The following SPECC1 variants were observed in gnomAD, a reference collection of about 807,000 sequenced individuals.
SPECC1 encodes the protein sperm antigen with calponin homology and coiled-coil domains 1, also known as cytospin-B.
Under a neutral mutation model 104.1 loss-of-function variants are expected in SPECC1, and 62 were observed. The observed-to-expected ratio is 0.60, with a 90% CI of 0.49 to 0.74. The LOEUF (loss-of-function observed/expected upper bound fraction) is 0.74, where lower values mean the gene tolerates loss of function less well. Ranked by LOEUF, SPECC1 falls within the 30% of genes least tolerant of loss-of-function variation. The pLI is 0.00. For missense variants in SPECC1, 1,306 were observed against 1,310.5 expected (o/e 1.00, Z 0.05); for synonymous variants, 513 against 501.6 (o/e 1.02, Z -0.30).
chr17:20,022,225 G>A (rs993589830), intron 1 of SPECC1, among the ~76,000 whole-genome samples: 3 of 152,170 alleles, frequency 2.0e-5, no homozygotes, highest in African/African-American at 7.2e-5. Flanking sequence ...ACAGGTGTGA[G>A]CCACTGTGCC....
At chr17:20,204,247 T>A (rs1409897898) in intron 3 of SPECC1, 86 bp from the exon 4 acceptor site, 1 of 1,472,388 alleles carries the variant, frequency 6.8e-7, no homozygotes, top group South Asian at 1.3e-5. Flanking sequence ...CACTGTCCAC[T>A]GTGCCATGTG....
chr17:20,064,596 C>T (rs2046300825), intron 1 of SPECC1, among the ~76,000 whole-genome samples: 1 of 152,118 alleles, frequency 6.6e-6, no homozygotes, highest in African/African-American at 2.4e-5. Flanking sequence ...GTCTTCCATC[C>T]CTACGGGACC....
At chr17:20,281,549 G>A (rs1411833577) in intron 12 of SPECC1, among the ~76,000 whole-genome samples, 1 of 152,188 alleles carries the variant, frequency 6.6e-6, no homozygotes, top group Non-Finnish European at 1.5e-5. Flanking sequence ...CTCGAGGGCT[G>A]AACCGCTAGT....
In SPECC1 at chr17:20,318,431, A is replaced by C. The variant is rs943148366; in HGVS notation, c.*4366A>C. On this transcript the variant is annotated 3_prime_UTR_variant, in exon 15 of 15. Transcript: ENST00000395527. ...TGTAGAGACCAACCCAAGTAGATGCAGGTGGGTGTTAGATAAAAACACACA... is the reference window on the plus strand; with the variant it reads ...TGTAGAGACCAACCCAAGTAGATGCCGGTGGGTGTTAGATAAAAACACACA... 9 of 231,470 alleles carry C rather than the reference A, an allele frequency of 3.9e-5. No individual in the cohort carries two copies. The highest frequency in any genetic ancestry group is 6.8e-5 in the Non-Finnish European group (8 of 116,992). 14.3% of individuals were successfully genotyped at this position (231,470 alleles called of 1,614,324 possible). A position where few individuals can be genotyped will look rare whatever the true frequency, so the allele number is the denominator to read the frequency against.
chr17:20,253,387 G>T, intron 9 of SPECC1, 118 bp from the exon 10 acceptor site: 1 of 907,674 alleles, frequency 1.1e-6, no homozygotes, highest in Non-Finnish European at 1.7e-6. Flanking sequence ...AACTCCCCTG[G>T]TTATTCCACT....
chr17:20,302,878 TAAAAAAAA>T (rs35060925), intron 13 of SPECC1, among the ~76,000 whole-genome samples: 19 of 61,860 alleles, frequency 3.1e-4, no homozygotes, highest in South Asian at 3.0e-3. Flanking sequence ...TGAGCCCATC[TAAAAAAAA>T]AAAAAAAAAA....
At chr17:20,165,732 G>T (rs776717627) in intron 3 of SPECC1, among the ~76,000 whole-genome samples, 3 of 152,082 alleles carry the variant, frequency 2.0e-5, no homozygotes, top group Non-Finnish European at 4.4e-5. Context: ...TTTGATAATC[G>T]TCATTCTGAC....
At chr17:20,301,500 A>G (rs1252055591) in intron 13 of SPECC1, among the ~76,000 whole-genome samples, 9 of 152,134 alleles carry the variant, frequency 5.9e-5, no homozygotes, top group Admixed American at 5.9e-4. Flanking sequence ...AAAATCTAAA[A>G]AGTATGTGAT....
chr17:20,113,109 T>C (rs2048575315), intron 3 of SPECC1: 3 of 670,500 alleles, frequency 4.5e-6, no homozygotes, highest in Admixed American at 2.4e-5. Flanking sequence ...AAAAAAAATT[T>C]AGAGGATTAT....
intron 4 of SPECC1, among the ~76,000 whole-genome samples, chr17:20,215,905 C>T (rs944500589): frequency 3.3e-5 from 5 of 152,106 alleles, no homozygotes; most frequent in Non-Finnish European, 1.5e-5. Context: ...TGCTTTTGTT[C>T]ATCACACTAA....
intron 3 of SPECC1, among the ~76,000 whole-genome samples, chr17:20,157,945 A>G (rs896048492): frequency 6.6e-6 from 1 of 152,166 alleles, no homozygotes; most frequent in African/African-American, 2.4e-5. Context: ...ACTACAGACA[A>G]ATGCCACCTT....
intron 3 of SPECC1, chr17:20,156,230 G>A: frequency 1.4e-6 from 2 of 1,394,580 alleles, no homozygotes; most frequent in Middle Eastern, 2.3e-4. Flanking sequence ...CGAGGATCCG[G>A]AACCAGGTCT....
intron 12 of SPECC1, among the ~76,000 whole-genome samples, chr17:20,266,526 G>A (rs1230584281): frequency 6.6e-6 from 1 of 152,206 alleles, no homozygotes; most frequent in Non-Finnish European, 1.5e-5. Context: ...GGAGCTTGCG[G>A]TGAGCCGAGA....
intron 1 of SPECC1, among the ~76,000 whole-genome samples, chr17:20,093,735 T>C (rs1030593237): frequency 3.0e-5 from 1 of 33,260 alleles, no homozygotes. Flanking sequence ...TGTTTTTTGT[T>C]TTTTTTTTTT....
At chr17:20,090,612 CTTATT>C (rs1567835212) in intron 1 of SPECC1, among the ~76,000 whole-genome samples, 1 of 149,402 alleles carries the variant, frequency 6.7e-6, no homozygotes, top group African/African-American at 2.5e-5. Context: ...AAAAAGGGCT[CTTATT>C]TTATTTCCAT....
intron 3 of SPECC1, among the ~76,000 whole-genome samples, chr17:20,194,525 TGAGACAGAG>T (rs2035898446): frequency 7.0e-6 from 1 of 143,294 alleles, no homozygotes; most frequent in Non-Finnish European, 1.5e-5. Context: ...TTTTTTTTTT[TGAGACAGAG>T]TCTTGCTCTG....
intron 12 of SPECC1, among the ~76,000 whole-genome samples, chr17:20,294,012 CAG>C (rs2041257543): frequency 6.6e-6 from 1 of 151,944 alleles, no homozygotes; most frequent in Non-Finnish European, 1.5e-5. Context: ...TTTTTTGAGA[CAG>C]AATGTCACCT....
intron 3 of SPECC1, among the ~76,000 whole-genome samples, chr17:20,196,079 A>G (rs1432864058): frequency 6.6e-6 from 1 of 152,212 alleles, no homozygotes; most frequent in Non-Finnish European, 1.5e-5. Flanking sequence ...AATTTTTTAC[A>G]AACCTTCCAC....
At position 20,110,544 on chromosome 17, in the gene SPECC1, C is replaced by T. The variant is rs142403984; in HGVS notation, c.265C>T (p.Arg89Cys). The part of the protein sequence containing the change: ...AGAISELTES[R>C]LRSGTGAFTT... ...AGCCATCTCGGAGCTCACGGAGAGC[C>T]GCCTGAGGAGCGGCACAGGTAGGAG... is the stretch of plus-strand genomic sequence containing the variant. Residue 89 changes from arginine (R) to cysteine (C), a missense_variant, in exon 3 of 15, where the codon CGC (arginine) becomes TGC (cysteine). Coordinates refer to ENST00000395527, the MANE Select transcript of SPECC1 (RefSeq NM_001243439.2). 1.9e-5 allele frequency: 30 copies of T among 1,613,296 alleles called. No individual in the cohort carries two copies. The highest frequency in any genetic ancestry group is 2.2e-5 in the Non-Finnish European group (26 of 1,179,872).
Sources: gnomAD v4.1 joint callset for allele counts (sites outside exome capture counted in the v4.1 genomes callset) on GRCh38, gnomAD v4.1.1 for gene constraint, MANE v1.5 for transcripts, NCBI Gene and HGNC (gene_info 2026-07-23, HGNC 2026-07-21) for gene names.